Variants in MAML2 observed in about 807,000 individuals in gnomAD.
MAML2 encodes mastermind like transcriptional coactivator 2.
A neutral mutation model predicts 96.1 loss-of-function variants in MAML2; 22 were observed. The observed-to-expected ratio is 0.23, with a 90% CI of 0.16 to 0.33. The LOEUF (loss-of-function observed/expected upper bound fraction) is 0.33, where lower values mean the gene tolerates loss of function less well. Ranked by LOEUF, MAML2 falls within the 10% of genes least tolerant of loss-of-function variation. The probability of loss-of-function intolerance (pLI) is 1.00; values close to 1 mark genes in which losing one functional copy is unlikely to be tolerated. For missense variants in MAML2, 1,367 were observed against 1,392.4 expected (o/e 0.98, Z 0.29); for synonymous variants, 561 against 521.3 (o/e 1.08, Z -1.04).
At chr11:96,296,053 A>T (rs1863295123) in intron 1 of MAML2, among the ~76,000 whole-genome samples, 1 of 151,752 alleles carries the variant, frequency 6.6e-6, no homozygotes, top group African/African-American at 2.4e-5. Context: ...TTCATTTTTT[A>T]AAGTACATTT....
At chr11:96,151,983 A>G (rs1373736560) in intron 1 of MAML2, among the ~76,000 whole-genome samples, 3 of 152,202 alleles carry the variant, frequency 2.0e-5, no homozygotes, top group Non-Finnish European at 4.4e-5. Flanking sequence ...TTGGGAGGCC[A>G]AGGCAAGAGG....
chr11:96,316,590 C>T (rs1022122785), intron 1 of MAML2, among the ~76,000 whole-genome samples: 5 of 152,166 alleles, frequency 3.3e-5, no homozygotes, highest in African/African-American at 1.2e-4. Flanking sequence ...GATCCACACA[C>T]AACTTCTGTG....
chr11:96,110,393 A>G (rs1046085972), intron 1 of MAML2, among the ~76,000 whole-genome samples: 4 of 152,192 alleles, frequency 2.6e-5, no homozygotes, highest in African/African-American at 9.7e-5. Context: ...CATCTTGCCT[A>G]ATTCTTTCAC....
intron 1 of MAML2, among the ~76,000 whole-genome samples, chr11:96,200,026 A>G (rs1277450130): frequency 6.6e-6 from 1 of 152,206 alleles, no homozygotes; most frequent in Non-Finnish European, 1.5e-5. Context: ...CTAGTGTGAT[A>G]AGGAGGGGGA....
chr11:95,982,473 G>C (rs1857756797), intron 4 of MAML2, among the ~76,000 whole-genome samples: 1 of 152,122 alleles, frequency 6.6e-6, no homozygotes, highest in Admixed American at 6.5e-5. Flanking sequence ...TTCCTACCTG[G>C]AATACAGGTA....
chr11:96,139,845 C>T (rs983236305), intron 1 of MAML2, among the ~76,000 whole-genome samples: 4 of 151,930 alleles, frequency 2.6e-5, no homozygotes, highest in Non-Finnish European at 4.4e-5. Flanking sequence ...TTGAAATTTC[C>T]GTCTCTGTTG....
chr11:95,996,413 T>G (rs1857991622), intron 2 of MAML2, among the ~76,000 whole-genome samples: 1 of 152,148 alleles, frequency 6.6e-6, no homozygotes, highest in Non-Finnish European at 1.5e-5. Context: ...CTGTGCTAAA[T>G]GTAGTTTATT....
intron 1 of MAML2, among the ~76,000 whole-genome samples, chr11:96,185,553 C>T (rs1861561392): frequency 1.3e-5 from 2 of 152,208 alleles, no homozygotes; most frequent in Non-Finnish European, 2.9e-5. Context: ...CTTGTCCACA[C>T]ACATTGCTAC....
chr11:96,097,223 A>C (rs1278832730), intron 1 of MAML2, among the ~76,000 whole-genome samples: 3 of 152,254 alleles, frequency 2.0e-5, no homozygotes, highest in African/African-American at 7.2e-5. Context: ...AAAACAGTCA[A>C]TAATACCTCA....
Position 96,342,064 on chromosome 11 carries a change from G to GAGA in MAML2, c.-170_-169insTCT. 1 of 619,090 alleles carries GAGA rather than the reference G, an allele frequency of 1.6e-6. No individual in the cohort carries two copies. Among genetic ancestry groups the GAGA allele is most frequent in the Non-Finnish European group, 2.7e-6 (1 of 367,544 alleles). 38.3% of individuals were successfully genotyped at this position (619,090 alleles called of 1,614,324 possible). ...GCCGTGGAGAAGTTGTGGGGGAGGGGAGTTAGTAAAAAGAGGGTGGGGAGA... is the reference window on the plus strand; with the variant it reads ...GCCGTGGAGAAGTTGTGGGGGAGGGGAGAAGTTAGTAAAAAGAGGGTGGGGAGA... On this transcript the variant is annotated 5_prime_UTR_variant, in exon 1 of 5. Transcript: ENST00000524717.
In MAML2 at chr11:96,342,120, G is replaced by A. The variant is rs1591142816; in HGVS notation, c.-225C>T. The A allele has an allele frequency of 1.8e-6, 1 of 546,816 alleles. No homozygotes were observed. The highest frequency in any genetic ancestry group is 2.7e-5 in the South Asian group (1 of 36,406). 33.9% of individuals were successfully genotyped at this position (546,816 alleles called of 1,614,324 possible). ...TAGAAACCAACTGGGGGGAGGATAA[G>A]TTGGAAACAAACCCTGATTAACTTA... On this transcript the variant is annotated 5_prime_UTR_variant, in exon 1 of 5. Coordinates refer to ENST00000524717, the MANE Select transcript of MAML2 (RefSeq NM_032427.4).
At chr11:96,258,108 T>A (rs1862694214) in intron 1 of MAML2, among the ~76,000 whole-genome samples, 1 of 152,238 alleles carries the variant, frequency 6.6e-6, no homozygotes, top group Non-Finnish European at 1.5e-5. Flanking sequence ...TTCATCAAAA[T>A]CATTTGCTAA....
intron 1 of MAML2, among the ~76,000 whole-genome samples, chr11:96,303,158 T>C (rs1263320988): frequency 6.6e-6 from 1 of 152,208 alleles, no homozygotes; most frequent in African/African-American, 2.4e-5. Context: ...GTAGTTTTAA[T>C]ATTCTGCTGC....
At chr11:96,209,577 A>AAAACAAAC (rs561253242) in intron 1 of MAML2, among the ~76,000 whole-genome samples, 3 of 63,892 alleles carry the variant, frequency 4.7e-5, no homozygotes, top group African/African-American at 7.2e-5. Flanking sequence ...TTCCATCTCT[A>AAAACAAAC]AAACAAACAA....
chr11:96,273,981 A>G (rs1862948453), intron 1 of MAML2, among the ~76,000 whole-genome samples: 1 of 151,544 alleles, frequency 6.6e-6, no homozygotes, highest in African/African-American at 2.4e-5. Flanking sequence ...AGATAGTATC[A>G]TCCTGTTATC....
intron 2 of MAML2, among the ~76,000 whole-genome samples, chr11:96,039,091 A>T (rs909585600): frequency 5.3e-5 from 8 of 152,108 alleles, no homozygotes; most frequent in Non-Finnish European, 8.8e-5. Flanking sequence ...TCTACACAAA[A>T]ATGTTTTTAA....
intron 1 of MAML2, among the ~76,000 whole-genome samples, chr11:96,195,729 T>G (rs1728451419): frequency 6.6e-6 from 1 of 152,238 alleles, no homozygotes; most frequent in Non-Finnish European, 1.5e-5. Flanking sequence ...TGTAAAGTCT[T>G]TTAGACTTGG....
chr11:96,198,415 G>C (rs1329777091), intron 1 of MAML2, among the ~76,000 whole-genome samples: 1 of 152,164 alleles, frequency 6.6e-6, no homozygotes, highest in East Asian at 1.9e-4. Context: ...TGTCTTTTCT[G>C]AGAAAGGCAT....
chr11:96,267,652 T>A (rs913435992), intron 1 of MAML2, among the ~76,000 whole-genome samples: 4 of 152,160 alleles, frequency 2.6e-5, no homozygotes, highest in African/African-American at 9.6e-5. Context: ...GGGGTAACCA[T>A]TGGCAGGGAG....
Sources: allele counts gnomAD v4.1 joint callset (sites outside exome capture counted in the v4.1 genomes callset), GRCh38; gene constraint gnomAD v4.1.1; transcripts MANE v1.5; gene names NCBI Gene and HGNC (gene_info 2026-07-23, HGNC 2026-07-21).